The following MPPED2 variants were observed in gnomAD, a reference collection of about 807,000 sequenced individuals.
MPPED2 encodes the protein metallophosphoesterase domain containing 2.
MPPED2 carries 5 observed loss-of-function variants against 33.0 expected under a neutral mutation model. The observed-to-expected ratio is 0.15, with a 90% CI of 0.08 to 0.32. The LOEUF (loss-of-function observed/expected upper bound fraction) is 0.32. Ranked by LOEUF, MPPED2 falls within the 10% of genes least tolerant of loss-of-function variation. The pLI is 1.00. For missense variants in MPPED2, 275 were observed against 372.1 expected, an observed-to-expected ratio of 0.74 and a Z score of 2.15; for synonymous variants, 136 against 141.9, an observed-to-expected ratio of 0.96 and a Z score of 0.29.
At chr11:30,386,711 G>A (rs901504115) in exon 7 of MPPED2, 22 of 398,396 alleles carry the variant, frequency 5.5e-5, no homozygotes, top group East Asian at 1.8e-4. Context: ...AACTCTTGTC[G>A]CTGCTTGTCC....
intron 4 of MPPED2, among the ~76,000 whole-genome samples, chr11:30,473,510 G>C (rs1223869839): frequency 6.6e-6 from 1 of 152,062 alleles, no homozygotes; most frequent in Admixed American, 6.5e-5. Flanking sequence ...CACTATGATG[G>C]GCAGCCTCTA....
intron 4 of MPPED2, among the ~76,000 whole-genome samples, chr11:30,462,830 T>C (rs556356672): frequency 6.4e-4 from 97 of 152,354 alleles, no homozygotes; most frequent in African/African-American, 2.3e-3. Flanking sequence ...GCACAGTCCC[T>C]ATCATCTGGT....
chr11:30,496,716 G>GA (rs71060452), intron 3 of MPPED2, among the ~76,000 whole-genome samples: 1 of 136,976 alleles, frequency 7.3e-6, no homozygotes, highest in Non-Finnish European at 1.6e-5. Context: ...TGGGCGGGGG[G>GA]TGGGGGGAGG....
Position 30,519,661 on chromosome 11 carries a change from G to T in MPPED2, c.310+16333C>A, listed in dbSNP as rs183457366. Reference sequence around the variant, plus strand: ...TCTATGAATAATGGATTCACAAAATGAAGAATACACAATGAAAATACTAAA... The same window carrying T: ...TCTATGAATAATGGATTCACAAAATTAAGAATACACAATGAAAATACTAAA... On this transcript the variant is annotated intron_variant, in intron 3 of 6. Transcript: ENST00000358117. Among the ~76,000 whole-genome samples the T allele has an allele frequency of 2.0e-4, 30 of 152,052 alleles. 1 individual carries two copies. In the East Asian group the frequency reaches 4.3e-3, roughly 22 times the overall value.
chr11:30,555,558 C>T (rs1317622530), intron 2 of MPPED2, among the ~76,000 whole-genome samples: 1 of 152,070 alleles, frequency 6.6e-6, no homozygotes, highest in African/African-American at 2.4e-5. Context: ...CAGGTTTTTC[C>T]CGTGCCCTTC....
chr11:30,437,730 G>A (rs765267316), intron 4 of MPPED2, among the ~76,000 whole-genome samples: 1 of 151,946 alleles, frequency 6.6e-6, no homozygotes, highest in Non-Finnish European at 1.5e-5. Flanking sequence ...TATTAACCCT[G>A]GAAAATCAAG....
At chr11:30,539,560 A>C (rs986995827) in intron 2 of MPPED2, among the ~76,000 whole-genome samples, 3 of 152,046 alleles carry the variant, frequency 2.0e-5, no homozygotes, top group African/African-American at 7.2e-5. Context: ...AATCTCCTCT[A>C]TCCCTTCCCT....
chr11:30,522,691 C>A (rs7946999), intron 3 of MPPED2, among the ~76,000 whole-genome samples: 3 of 152,158 alleles, frequency 2.0e-5, no homozygotes, highest in African/African-American at 7.2e-5. Context: ...GCCTGCCCTG[C>A]GTGTGGGAAT....
intron 3 of MPPED2, among the ~76,000 whole-genome samples, chr11:30,521,799 G>A (rs1285138019): frequency 3.3e-5 from 5 of 152,124 alleles, no homozygotes; most frequent in South Asian, 2.1e-4. Flanking sequence ...CTTGTATGCC[G>A]CAGAAGAATG....
intron 4 of MPPED2, among the ~76,000 whole-genome samples, chr11:30,465,958 TATA>T (rs1191805077): frequency 6.6e-6 from 1 of 152,220 alleles, no homozygotes; most frequent in Non-Finnish European, 1.5e-5. Flanking sequence ...CATCCAAGCT[TATA>T]GTAATTACAA....
At chr11:30,541,898 C>CT (rs984547601) in intron 2 of MPPED2, among the ~76,000 whole-genome samples, 1 of 152,148 alleles carries the variant, frequency 6.6e-6, no homozygotes, top group Admixed American at 6.5e-5. Flanking sequence ...GGCCCACTGA[C>CT]TTTATCTCTA....
At chr11:30,438,077 C>T (rs886764313) in intron 4 of MPPED2, among the ~76,000 whole-genome samples, 27 of 152,228 alleles carry the variant, frequency 1.8e-4, no homozygotes, top group Middle Eastern at 6.8e-3. Context: ...TTAAAATACG[C>T]AAAGCACTTA....
chr11:30,553,812 T>C lies in MPPED2; in HGVS notation c.129-17637A>G, dbSNP rs1241550647. 3.9e-5 allele frequency among the ~76,000 whole-genome samples: 6 copies of C among 152,274 alleles called. No individual in the cohort carries two copies. In the South Asian group the frequency reaches 6.2e-4, roughly 16 times the overall value. ...TACCTACAATGCCAAGCACCATCTC[T>C]GGCACAGAGAGTGTAAGGATTGCAG... On this transcript the variant is annotated intron_variant, in intron 2 of 6. Coordinates refer to ENST00000358117, the MANE Select transcript of MPPED2 (RefSeq NM_001584.3).
intron 2 of MPPED2, among the ~76,000 whole-genome samples, chr11:30,576,079 A>G (rs1956917757): frequency 6.6e-6 from 1 of 152,244 alleles, no homozygotes; most frequent in Non-Finnish European, 1.5e-5. Flanking sequence ...TTTATTGAGC[A>G]TAGACTATGT....
chr11:30,579,445 TA>T (rs1957071059), intron 2 of MPPED2, among the ~76,000 whole-genome samples: 1 of 152,098 alleles, frequency 6.6e-6, no homozygotes, highest in South Asian at 2.1e-4. Flanking sequence ...AGGCCTTGAA[TA>T]AACAAGAGAG....
chr11:30,463,645 C>G (rs1000094070), intron 4 of MPPED2, among the ~76,000 whole-genome samples: 1 of 152,128 alleles, frequency 6.6e-6, no homozygotes, highest in African/African-American at 2.4e-5. Context: ...AAATGGAGCT[C>G]AGAAGTGTAA....
rs571060951 is a variant in MPPED2 at position 30,424,452 on chromosome 11, A to C, written c.537-6819T>G. On this transcript the variant is annotated intron_variant, in intron 4 of 6. Coordinates refer to ENST00000358117, the MANE Select transcript of MPPED2 (RefSeq NM_001584.3). ...TGCACATCACACCAGGTCCAAGAGA[A>C]GCTAATTTAACCACCGCTGGTTAAA... Among the ~76,000 whole-genome samples, 23 of 152,216 alleles carry C rather than the reference A, an allele frequency of 1.5e-4. No individual in the cohort carries two copies. In the East Asian group the frequency reaches 3.5e-3, roughly 23 times the overall value.
chr11:30,486,683 T>C (rs992110983), intron 4 of MPPED2, among the ~76,000 whole-genome samples: 1 of 152,218 alleles, frequency 6.6e-6, no homozygotes, highest in Non-Finnish European at 1.5e-5. Context: ...TGAGGTTTAA[T>C]GTAAGATTTG....
chr11:30,411,431 A>G lies in MPPED2; in HGVS notation c.*37T>C. The stretch of plus-strand genomic sequence containing the variant: ...TATAATTAGAAAAATGGCAGTTTAT[A>G]GACCTTCCCTCACATTCCAATAGGG... On this transcript the variant is annotated 3_prime_UTR_variant, in exon 7 of 7. Coordinates refer to ENST00000358117, the MANE Select transcript of MPPED2 (RefSeq NM_001584.3). 1 of 1,590,712 alleles carries G rather than the reference A, an allele frequency of 6.3e-7. No homozygotes were observed. Among genetic ancestry groups the G allele is most frequent in the Non-Finnish European group, 8.6e-7 (1 of 1,165,782 alleles).
Sources: allele counts gnomAD v4.1 joint callset (sites outside exome capture counted in the v4.1 genomes callset), GRCh38; gene constraint gnomAD v4.1.1; transcripts MANE v1.5; gene names NCBI Gene and HGNC (gene_info 2026-07-23, HGNC 2026-07-21).